ADGRL3: variants seen among roughly 807,000 people sequenced by gnomAD.
ADGRL3 encodes the protein calcium-independent alpha-latrotoxin receptor 3.
In ADGRL3, 62 loss-of-function variants were observed where a neutral mutation model predicts 153.5. The observed-to-expected ratio is 0.40, with a 90% CI of 0.33 to 0.50. The LOEUF is 0.50. ADGRL3 is among the 20% of genes least tolerant of loss of function. ADGRL3 has a pLI of 0.47. For missense variants in ADGRL3, 1,641 were observed against 1,859.4 expected, an observed-to-expected ratio of 0.88 and a Z score of 2.16; for synonymous variants, 710 against 672.5, an observed-to-expected ratio of 1.06 and a Z score of -0.86.
intron 8 of ADGRL3, among the ~76,000 whole-genome samples, chr4:61,799,294 A>G (rs2097458898): frequency 6.6e-6 from 1 of 151,920 alleles, no homozygotes; most frequent in Non-Finnish European, 1.5e-5. Context: ...TATGACAGGG[A>G]CTAGCAAACT....
At chr4:61,298,520 C>T (rs1237493440) in intron 1 of ADGRL3, among the ~76,000 whole-genome samples, 1 of 152,124 alleles carries the variant, frequency 6.6e-6, no homozygotes. Flanking sequence ...TTTTGTTATT[C>T]ACAAATTCCA....
chr4:61,264,170 G>T (rs1026987683), intron 1 of ADGRL3, among the ~76,000 whole-genome samples: 1 of 151,856 alleles, frequency 6.6e-6, no homozygotes, highest in Non-Finnish European at 1.5e-5. Flanking sequence ...AATTGTTGAC[G>T]GTTGCAGACT....
At chr4:61,475,021 CAATT>C (rs1429883460) in intron 2 of ADGRL3, among the ~76,000 whole-genome samples, 1 of 152,034 alleles carries the variant, frequency 6.6e-6, no homozygotes, top group Non-Finnish European at 1.5e-5. Flanking sequence ...TCATAACAAT[CAATT>C]AAACCATTTT....
chr4:61,493,213 G>T (rs1409584798), intron 2 of ADGRL3, among the ~76,000 whole-genome samples: 1 of 152,116 alleles, frequency 6.6e-6, no homozygotes, highest in Non-Finnish European at 1.5e-5. Context: ...TATTGGAGTT[G>T]TGAGTAAGAG....
chr4:61,761,251 C>G (rs1448082659), intron 8 of ADGRL3, among the ~76,000 whole-genome samples: 1 of 152,196 alleles, frequency 6.6e-6, no homozygotes, highest in Non-Finnish European at 1.5e-5. Context: ...CAAAGGCAAT[C>G]TAGTCTCCAG....
intron 1 of ADGRL3, among the ~76,000 whole-genome samples, chr4:61,218,597 G>A (rs1056179497): frequency 1.3e-5 from 2 of 152,068 alleles, no homozygotes; most frequent in South Asian, 4.1e-4. Flanking sequence ...CCAAAGTGCT[G>A]GTGGCATAAG....
intron 1 of ADGRL3, among the ~76,000 whole-genome samples, chr4:61,290,718 G>A (rs2094145099): frequency 2.0e-5 from 3 of 150,830 alleles, no homozygotes; most frequent in African/African-American, 7.3e-5. Context: ...AAGGAGGGAA[G>A]GGGAAGTGGG....
At chr4:61,247,258 A>G (rs939018532) in intron 1 of ADGRL3, among the ~76,000 whole-genome samples, 1 of 152,100 alleles carries the variant, frequency 6.6e-6, no homozygotes, top group Non-Finnish European at 1.5e-5. Flanking sequence ...GGTACAACAC[A>G]TAAAGAGCCT....
chr4:61,686,454 A>T (rs2095445451), intron 6 of ADGRL3, among the ~76,000 whole-genome samples: 1 of 152,078 alleles, frequency 6.6e-6, no homozygotes. Flanking sequence ...AAAATTAAAT[A>T]ATTGGTTTAG....
rs139626018 is a variant in ADGRL3 at position 61,407,459 on chromosome 4, G to A, written c.-174+24270G>A. ...ATTTCATTTCTTTATATCTTATGAA[G>A]CCTTCAAACTTCAATGTTGGTGGTT... is the stretch of plus-strand genomic sequence containing the variant. On this transcript the variant is annotated intron_variant, in intron 2 of 26. Coordinates refer to ENST00000683033, the MANE Select transcript of ADGRL3 (RefSeq NM_001387552.1). 5.9e-5 allele frequency among the ~76,000 whole-genome samples: 9 copies of A among 152,124 alleles called. No homozygotes were observed. The East Asian group carries it at 1.7e-3, about 29-fold the overall frequency.
At chr4:62,061,285 C>T (rs575315902) in intron 25 of ADGRL3, among the ~76,000 whole-genome samples, 12 of 151,504 alleles carry the variant, frequency 7.9e-5, no homozygotes, top group Admixed American at 2.0e-4. Context: ...GATTACTTTT[C>T]GTTTTGAGAT....
At chr4:61,814,951 G>A (rs2097671778) in intron 9 of ADGRL3, among the ~76,000 whole-genome samples, 1 of 151,990 alleles carries the variant, frequency 6.6e-6, no homozygotes, top group Non-Finnish European at 1.5e-5. Context: ...CTCTGTGAGG[G>A]CACAGAATGT....
At chr4:61,714,136 A>T (rs780615840) in intron 6 of ADGRL3, among the ~76,000 whole-genome samples, 6 of 151,976 alleles carry the variant, frequency 3.9e-5, no homozygotes, top group Non-Finnish European at 7.4e-5. Flanking sequence ...TGACAAAAAG[A>T]AGCTAGTAAT....
intron 5 of ADGRL3, among the ~76,000 whole-genome samples, chr4:61,619,594 C>T (rs1310365787): frequency 6.6e-6 from 1 of 151,926 alleles, no homozygotes; most frequent in Non-Finnish European, 1.5e-5. Flanking sequence ...ATTTGTTATA[C>T]TTTCGATTTA....
intron 6 of ADGRL3, among the ~76,000 whole-genome samples, chr4:61,692,864 C>T (rs935552560): frequency 2.6e-5 from 4 of 152,126 alleles, no homozygotes; most frequent in African/African-American, 9.7e-5. Flanking sequence ...CTTTAACAAA[C>T]ATCTAGTGGG....
At chr4:62,062,191 T>A (rs1048095935) in intron 25 of ADGRL3, among the ~76,000 whole-genome samples, 3 of 152,042 alleles carry the variant, frequency 2.0e-5, no homozygotes, top group African/African-American at 7.2e-5. Flanking sequence ...TGTATTTCTC[T>A]AAGGCCAATA....
At chr4:61,368,226 A>T (rs1455800642) in intron 1 of ADGRL3, among the ~76,000 whole-genome samples, 1 of 152,050 alleles carries the variant, frequency 6.6e-6, no homozygotes, top group Non-Finnish European at 1.5e-5. Flanking sequence ...TGCTGTGCAG[A>T]AGCTCTTTAG....
At chr4:61,327,325 C>T (rs2095485738) in intron 1 of ADGRL3, among the ~76,000 whole-genome samples, 2 of 113,992 alleles carry the variant, frequency 1.8e-5, no homozygotes, top group Non-Finnish European at 4.1e-5. Context: ...GAGTTTTACT[C>T]AGTTTTTTTT....
At chr4:61,727,416 G>A (rs1185697559) in intron 6 of ADGRL3, among the ~76,000 whole-genome samples, 1 of 152,046 alleles carries the variant, frequency 6.6e-6, no homozygotes, top group Non-Finnish European at 1.5e-5. Context: ...GAGAAAAGGA[G>A]ACAAACTCGT....
Sources: allele counts gnomAD v4.1 joint callset (sites outside exome capture counted in the v4.1 genomes callset), GRCh38; gene constraint gnomAD v4.1.1; transcripts MANE v1.5; gene names NCBI Gene and HGNC (gene_info 2026-07-23, HGNC 2026-07-21).